The following KIF13A variants were observed in gnomAD, a reference collection of about 807,000 sequenced individuals.
The protein encoded by KIF13A is kinesin-like protein KIF13A.
KIF13A carries 79 observed loss-of-function variants against 212.2 expected under a neutral mutation model. That is an observed-to-expected ratio of 0.37 (90% CI 0.31 to 0.45). The LOEUF (loss-of-function observed/expected upper bound fraction) is 0.45, where lower values mean the gene tolerates loss of function less well. KIF13A is among the 20% of genes least tolerant of loss of function. The probability of loss-of-function intolerance (pLI) is 1.00; values close to 1 mark genes in which losing one functional copy is unlikely to be tolerated. For missense variants in KIF13A, 1,901 were observed against 2,209.0 expected (o/e 0.86, Z 2.79); for synonymous variants, 789 against 808.6 (o/e 0.98, Z 0.41).
intron 2 of KIF13A, among the ~76,000 whole-genome samples, chr6:17,985,642 G>GGGGGGGGGGGGGGGGGGA (rs1781492134): frequency 1.0e-5 from 1 of 96,174 alleles, no homozygotes. Context: ...CGGGGGGGTG[G>GGGGGGGGGGGGGGGGGGA]GGGGAGGGGA....
rs927363609 is a variant in KIF13A, at chr6:17,816,732, A to C, written c.2000+288T>G. On this transcript the variant is annotated intron_variant, in intron 17 of 38. Transcript: ENST00000259711. This position sits in a 1 kb window ranked among gnomAD's most constrained non-coding sequence, Gnocchi z 4.3. ...GCTTTTGTGTTAAAGAAATTATTCA[A>C]ACTTTCTAAATTTCAATACATACCT... Among the ~76,000 whole-genome samples the C allele has an allele frequency of 1.1e-4, 16 of 152,238 alleles. No individual in the cohort carries two copies. Among genetic ancestry groups the C allele is most frequent in the African/African-American group, 3.6e-4 (15 of 41,468 alleles).
intron 4 of KIF13A, among the ~76,000 whole-genome samples, chr6:17,865,097 T>C (rs1442087287): frequency 6.6e-6 from 1 of 152,296 alleles, no homozygotes; most frequent in African/African-American, 2.4e-5. Context: ...AAAATCTGCA[T>C]TAAACAAGGC....
In KIF13A at chr6:17,800,063, TG is replaced by T; in HGVS notation, c.2504del (p.Pro835GlnfsTer22). 6.2e-7 allele frequency: 1 copy of T among 1,613,980 alleles called. No individual in the cohort carries two copies. The highest frequency in any genetic ancestry group is 8.5e-7 in the Non-Finnish European group (1 of 1,179,888). ...VEVMRVTGAV[P>X]ERVVEDDSSE... Reference sequence around the variant, plus strand: ...AAGAGTCATCCTCCACCACACGCTCTGGAACAGCTCCTGTAACACGCATCAC... The same window carrying T: ...AAGAGTCATCCTCCACCACACGCTCTGAACAGCTCCTGTAACACGCATCAC... On this transcript the variant is annotated frameshift_variant, in exon 21 of 39. Transcript: ENST00000259711. LOFTEE classifies it high-confidence loss of function.
intron 11 of KIF13A, among the ~76,000 whole-genome samples, chr6:17,835,560 T>C (rs1765879817): frequency 6.6e-6 from 1 of 152,216 alleles, no homozygotes; most frequent in Non-Finnish European, 1.5e-5. Context: ...GAACTTACTA[T>C]GTGCAAGGTA....
chr6:17,762,804 A>G (rs936704528), downstream of KIF13A, among the ~76,000 whole-genome samples: 2 of 152,194 alleles, frequency 1.3e-5, no homozygotes, highest in East Asian at 3.8e-4. Context: ...TTTTCTTGTC[A>G]GAGATGACTG....
In KIF13A at chr6:17,809,610, A is replaced by G. The variant is rs1249814697; in HGVS notation, c.2001-680T>C. 6.6e-6 allele frequency among the ~76,000 whole-genome samples: 1 copy of G among 152,204 alleles called. No individual in the cohort carries two copies. The highest frequency in any genetic ancestry group is 1.5e-5 in the Non-Finnish European group (1 of 68,036). ...GTTAGGTTGCCCCAAGGCAGGGACC[A>G]TGTCTTTTTTTGCTTGCACTACCCT... is the stretch of plus-strand genomic sequence containing the variant. On this transcript the variant is annotated intron_variant, in intron 17 of 38. Coordinates refer to ENST00000259711, the MANE Select transcript of KIF13A (RefSeq NM_022113.6). This position sits in a 1 kb window ranked among gnomAD's most constrained non-coding sequence, Gnocchi z 4.7.
intron 2 of KIF13A, among the ~76,000 whole-genome samples, chr6:17,911,951 G>C (rs1171236667): frequency 6.6e-6 from 1 of 152,108 alleles, no homozygotes; most frequent in East Asian, 1.9e-4. Context: ...TTTTAGTAGA[G>C]ACGGGGTTTC....
rs1425744137 is a variant in KIF13A, at chr6:17,764,917, T to C, written c.4611A>G (p.Glu1537=). ...AACTTATTAGCTTCCTGTTAATAGC[T>C]TCCAGCTCATTTTCTTCCTCCTCAG... is the stretch of plus-strand genomic sequence containing the variant. ...IDSEEEENEL[E]AINRKLISSQ... is the part of the protein sequence containing the mutation. Residue 1537 remains glutamate (E), a synonymous_variant, in exon 39 of 39, where the codon GAA becomes GAG. Coordinates refer to ENST00000259711, the MANE Select transcript of KIF13A (RefSeq NM_022113.6). The surrounding 1 kb of genome is among the most constrained non-coding windows in gnomAD (Gnocchi z 5.1). The C allele has an allele frequency of 6.2e-7, 1 of 1,611,860 alleles. No homozygotes were observed. Among genetic ancestry groups the C allele is most frequent in the Non-Finnish European group, 8.5e-7 (1 of 1,178,888 alleles).
chr6:17,964,430 C>G (rs1779120786), intron 2 of KIF13A, among the ~76,000 whole-genome samples: 1 of 151,920 alleles, frequency 6.6e-6, no homozygotes. Flanking sequence ...ACTTTATTCT[C>G]TATTGCCCTC....
In KIF13A at chr6:17,838,738, G is replaced by C. The variant is rs979572246; in HGVS notation, c.831-1155C>G. Among the ~76,000 whole-genome samples the C allele has an allele frequency of 1.3e-5, 2 of 152,340 alleles. No individual in the cohort carries two copies. Among genetic ancestry groups the C allele is most frequent in the Admixed American group, 1.3e-4 (2 of 15,304 alleles). On this transcript the variant is annotated intron_variant, in intron 9 of 38. Coordinates refer to ENST00000259711, the MANE Select transcript of KIF13A (RefSeq NM_022113.6). This position sits in a 1 kb window ranked among gnomAD's most constrained non-coding sequence, Gnocchi z 4.2. ...GGAAGCTAAATAACGTGTACTCATG[G>C]ACATAGAGACTGGAATGGACAATGG... is the stretch of plus-strand genomic sequence containing the variant.
chr6:17,911,197 C>T (rs960814717), intron 2 of KIF13A, among the ~76,000 whole-genome samples: 1 of 152,104 alleles, frequency 6.6e-6, no homozygotes, highest in African/African-American at 2.4e-5. Context: ...TTCTTTCTGC[C>T]CTGTGCACAT....
Position 17,789,778 on chromosome 6 carries a change from G to A in KIF13A, c.3261+94C>T. The A allele has an allele frequency of 1.0e-6, 1 of 963,268 alleles. No homozygotes were observed. The allele number at this position is 963,268 out of a possible 1,614,324, so 59.7% of individuals were successfully genotyped here. Reference sequence around the variant, plus strand: ...AAAAACTGCATATTCTCGCTCTAGGGCCCTCCTTCCTCCTCCCTGGCCTCT... The same window carrying A: ...AAAAACTGCATATTCTCGCTCTAGGACCCTCCTTCCTCCTCCCTGGCCTCT... On this transcript the variant is annotated intron_variant, in intron 26 of 38. Coordinates refer to ENST00000259711, the MANE Select transcript of KIF13A (RefSeq NM_022113.6). This position sits in a 1 kb window ranked among gnomAD's most constrained non-coding sequence, Gnocchi z 4.8.
chr6:17,930,642 A>C (rs1775910303), intron 2 of KIF13A, among the ~76,000 whole-genome samples: 1 of 152,176 alleles, frequency 6.6e-6, no homozygotes, highest in Non-Finnish European at 1.5e-5. Flanking sequence ...ACTTTGCCAT[A>C]ACCTTCCCTG....
intron 2 of KIF13A, among the ~76,000 whole-genome samples, chr6:17,955,578 CA>C (rs1366557617): frequency 6.6e-6 from 1 of 152,134 alleles, no homozygotes; most frequent in African/African-American, 2.4e-5. Flanking sequence ...GGATGTAATA[CA>C]AAAAGTAGCC....
At chr6:17,803,388 C>T (rs1433233200) in intron 20 of KIF13A, among the ~76,000 whole-genome samples, 2 of 152,062 alleles carry the variant, frequency 1.3e-5, no homozygotes, top group African/African-American at 2.4e-5. Context: ...GGGGTGTTTC[C>T]ATAGTGGAGG....
At chr6:17,857,956 T>A (rs1165532544) in intron 4 of KIF13A, among the ~76,000 whole-genome samples, 1 of 151,970 alleles carries the variant, frequency 6.6e-6, no homozygotes, top group African/African-American at 2.4e-5. Context: ...ATAACATTTT[T>A]AAAAACAATA....
chr6:17,798,804 C>T (rs1465226844), intron 22 of KIF13A, among the ~76,000 whole-genome samples: 1 of 152,148 alleles, frequency 6.6e-6, no homozygotes, highest in East Asian at 1.9e-4. Context: ...TGAAACATAT[C>T]ACTCATATGA....
At chr6:17,881,877 T>C (rs1771098190) in intron 3 of KIF13A, 1 of 384,770 alleles carries the variant, frequency 2.6e-6, no homozygotes. Context: ...GTGCCTGTTA[T>C]TCCAGCTACT....
chr6:17,799,187 C>CAG lies in KIF13A; in HGVS notation c.2790+78_2790+79insCT. The CAG allele has an allele frequency of 1.0e-6, 1 of 968,034 alleles. No homozygotes were observed. The highest frequency in any genetic ancestry group is 1.4e-6 in the Non-Finnish European group (1 of 699,820). The allele number at this position is 968,034 out of a possible 1,614,324, so 60.0% of individuals were successfully genotyped here. A position where few individuals can be genotyped will look rare whatever the true frequency, so the allele number is the denominator to read the frequency against. On this transcript the variant is annotated intron_variant, in intron 22 of 38. Coordinates refer to ENST00000259711, the MANE Select transcript of KIF13A (RefSeq NM_022113.6). This position sits in a 1 kb window ranked among gnomAD's most constrained non-coding sequence, Gnocchi z 4.4. ...AAACATATTATACTTAAAACAAATGCTTGTGGGGACAACTGATTGTTGAAC... is the reference window on the plus strand; with the variant it reads ...AAACATATTATACTTAAAACAAATGCAGTTGTGGGGACAACTGATTGTTGAAC...
Sources: gnomAD v4.1 joint callset for allele counts (sites outside exome capture counted in the v4.1 genomes callset) on GRCh38, gnomAD v4.1.1 for gene constraint, Gnocchi (gnomAD v3.1) non-coding constraint, MANE v1.5 for transcripts, NCBI Gene and HGNC (gene_info 2026-07-23, HGNC 2026-07-21) for gene names.